Variants in SDK1 observed in about 807,000 individuals in gnomAD.
SDK1 encodes protein sidekick-1.
A neutral mutation model predicts 245.5 loss-of-function variants in SDK1; 157 were observed. That is an observed-to-expected ratio of 0.64 (90% CI 0.56 to 0.73). The LOEUF (loss-of-function observed/expected upper bound fraction) is 0.73. SDK1 is among the 30% of genes least tolerant of loss of function. SDK1 has a pLI of 0.00. For synonymous variants in SDK1, 1,647 were observed against 1,278.5 expected, an observed-to-expected ratio of 1.29 and a Z score of -6.15; for missense variants, 3,583 against 3,002.3, an observed-to-expected ratio of 1.19 and a Z score of -4.52.
At chr7:3,480,853 T>C (rs988968114) in intron 1 of SDK1, among the ~76,000 whole-genome samples, 2 of 152,204 alleles carry the variant, frequency 1.3e-5, no homozygotes, top group African/African-American at 4.8e-5. Context: ...GGCAGCTTTG[T>C]TGGTTGTAGC....
intron 1 of SDK1, among the ~76,000 whole-genome samples, chr7:3,394,797 G>T (rs951376252): frequency 3.3e-5 from 5 of 151,800 alleles, no homozygotes; most frequent in African/African-American, 4.8e-5. Context: ...TTTACTTCCA[G>T]ATTGTTTATT....
intron 1 of SDK1, among the ~76,000 whole-genome samples, chr7:3,409,157 T>C (rs1218819771): frequency 2.6e-5 from 4 of 152,218 alleles, no homozygotes; most frequent in Non-Finnish European, 5.9e-5. Flanking sequence ...ACACTTCTGC[T>C]TCAGATTAAC....
chr7:3,833,023 A>T (rs1481773407), intron 5 of SDK1, among the ~76,000 whole-genome samples: 1 of 152,100 alleles, frequency 6.6e-6, no homozygotes, highest in East Asian at 1.9e-4. Flanking sequence ...CATCATAAAA[A>T]TGTGAGCTGG....
chr7:3,983,311 A>T (rs1355537508), intron 13 of SDK1, among the ~76,000 whole-genome samples: 1 of 152,174 alleles, frequency 6.6e-6, no homozygotes, highest in African/African-American at 2.4e-5. Context: ...TGAGAGGAAG[A>T]GTCCGTTGAT....
intron 20 of SDK1, among the ~76,000 whole-genome samples, chr7:4,071,602 T>G (rs1780261694): frequency 1.3e-5 from 2 of 152,208 alleles, no homozygotes; most frequent in Admixed American, 6.5e-5. Flanking sequence ...TGCAGGAACC[T>G]AGTTTAATCT....
chr7:3,573,859 T>C (rs1428648436), intron 1 of SDK1, among the ~76,000 whole-genome samples: 1 of 151,978 alleles, frequency 6.6e-6, no homozygotes, highest in East Asian at 1.9e-4. Flanking sequence ...CCAGTACTCA[T>C]TAAAAAATAA....
intron 1 of SDK1, among the ~76,000 whole-genome samples, chr7:3,555,685 A>G (rs896916515): frequency 2.0e-5 from 3 of 152,200 alleles, no homozygotes; most frequent in African/African-American, 7.2e-5. Context: ...ACAAGGGATT[A>G]GTAACCAGCA....
chr7:3,424,480 TTAA>T lies in SDK1; in HGVS notation c.298+122599_298+122601del, dbSNP rs534222211. Among the ~76,000 whole-genome samples the T allele has an allele frequency of 1.6e-3, 237 of 152,280 alleles. 2 individuals are homozygous for T. The highest frequency in any genetic ancestry group is 2.3e-3 in the Non-Finnish European group (155 of 68,030). Reference sequence around the variant, plus strand: ...TTCACACTGATAAAAACAGGAGACTTTAATATTATTTTGGGAAGAAAAATGAGA... The same window carrying T: ...TTCACACTGATAAAAACAGGAGACTTTATTATTTTGGGAAGAAAAATGAGA... On this transcript the variant is annotated intron_variant, in intron 1 of 44. Transcript: ENST00000404826.
At chr7:3,871,150 C>CTT (rs200291112) in intron 5 of SDK1, among the ~76,000 whole-genome samples, 1 of 143,446 alleles carries the variant, frequency 7.0e-6, no homozygotes, top group African/African-American at 2.5e-5. Context: ...TATTTCTTGA[C>CTT]TTTTTTTTTT....
chr7:3,884,503 G>C (rs1015181206), intron 5 of SDK1, among the ~76,000 whole-genome samples: 1 of 152,204 alleles, frequency 6.6e-6, no homozygotes, highest in East Asian at 1.9e-4. Context: ...AGAGCAGTTA[G>C]CGCCGTTTCT....
Position 4,251,075 on chromosome 7 carries a change from C to T in SDK1, c.6381+5270C>T, listed in dbSNP as rs1013214730. ...CTTATTTCATTCAGCATAATGTTTT[C>T]AGAGTTCATCAGGGTCACTGATATA... On this transcript the variant is annotated intron_variant, in intron 44 of 44. Coordinates refer to ENST00000404826, the MANE Select transcript of SDK1 (RefSeq NM_152744.4). Among the ~76,000 whole-genome samples, 5 of 152,184 alleles carry T rather than the reference C, an allele frequency of 3.3e-5. No homozygotes were observed. The South Asian group carries it at 1.0e-3, about 31-fold the overall frequency.
intron 1 of SDK1, among the ~76,000 whole-genome samples, chr7:3,426,637 C>T (rs752076910): frequency 2.6e-5 from 4 of 152,214 alleles, no homozygotes; most frequent in South Asian, 2.1e-4. Context: ...ACATCTGTCT[C>T]CAGTTAGTCA....
At chr7:3,662,041 A>ATTTTTTTTTTTTT (rs572659449) in intron 4 of SDK1, among the ~76,000 whole-genome samples, 2 of 125,776 alleles carry the variant, frequency 1.6e-5, no homozygotes, top group Non-Finnish European at 3.2e-5. Flanking sequence ...CAACGGTTGT[A>ATTTTTTTTTTTTT]TTTTTTTTTT....
chr7:4,211,081 C>G (rs1276873675), intron 38 of SDK1, among the ~76,000 whole-genome samples: 1 of 152,148 alleles, frequency 6.6e-6, no homozygotes, highest in East Asian at 1.9e-4. Context: ...GCATATCCCA[C>G]TGGAGAGTGA....
intron 4 of SDK1, among the ~76,000 whole-genome samples, chr7:3,654,223 G>A (rs1450423639): frequency 1.3e-5 from 2 of 152,028 alleles, no homozygotes; most frequent in African/African-American, 4.8e-5. Context: ...TCTTTTCGTT[G>A]TTGTTCTCAC....
intron 22 of SDK1, among the ~76,000 whole-genome samples, chr7:4,108,566 T>C (rs1295222431): frequency 6.6e-6 from 1 of 152,214 alleles, no homozygotes; most frequent in African/African-American, 2.4e-5. Context: ...CCTGTGGTTT[T>C]GCCGACTTCC....
At position 4,264,580 on chromosome 7, in the gene SDK1, G is replaced by T. The variant is rs1171365223; in HGVS notation, c.6382-544G>T. ...GGGAGGCCGCGTGGACCTCTCCTGA[G>T]TGGGGAGGCCGCGTGGACCTCTCCT... On this transcript the variant is annotated intron_variant, in intron 44 of 44. Transcript: ENST00000404826. Among the ~76,000 whole-genome samples, 2 of 126,140 alleles carry T rather than the reference G, an allele frequency of 1.6e-5. 1 individual carries two copies. The highest frequency in any genetic ancestry group is 6.5e-5 in the African/African-American group (2 of 30,658). The allele number at this position is 126,140 out of a possible 152,430, so 82.8% of individuals were successfully genotyped here. A position where few individuals can be genotyped will look rare whatever the true frequency, so the allele number is the denominator to read the frequency against.
chr7:3,765,581 A>G (rs1780230869), intron 4 of SDK1, among the ~76,000 whole-genome samples: 1 of 152,164 alleles, frequency 6.6e-6, no homozygotes, highest in African/African-American at 2.4e-5. Context: ...CTGTATTTTC[A>G]CATGGAATAG....
chr7:3,723,932 A>ACACG (rs1778921497), intron 4 of SDK1, among the ~76,000 whole-genome samples: 1 of 119,464 alleles, frequency 8.4e-6, no homozygotes, highest in South Asian at 2.8e-4. Flanking sequence ...ACGTATATAT[A>ACACG]TATATATATA....
Sources: allele counts gnomAD v4.1 joint callset (sites outside exome capture counted in the v4.1 genomes callset), GRCh38; gene constraint gnomAD v4.1.1; transcripts MANE v1.5; gene names NCBI Gene and HGNC (gene_info 2026-07-23, HGNC 2026-07-21).